DNAJC24: variants seen among roughly 807,000 people sequenced by gnomAD.
DNAJC24 encodes dnaJ homolog subfamily C member 24.
DNAJC24 carries 17 observed loss-of-function variants against 18.0 expected under a neutral mutation model. The observed-to-expected ratio is 0.94, with a 90% CI of 0.65 to 1.42. DNAJC24 has a LOEUF of 1.42. Among genes scored for constraint, DNAJC24 ranks in the 40% most tolerant of loss-of-function variants. The pLI, the probability that DNAJC24 is intolerant of heterozygous loss-of-function variation, is 0.00. For synonymous variants in DNAJC24, 55 were observed against 57.7 expected (o/e 0.95, Z 0.21); for missense variants, 158 against 175.6 (o/e 0.90, Z 0.57).
intron 2 of DNAJC24, among the ~76,000 whole-genome samples, chr11:31,376,358 A>T (rs928368485): frequency 7.2e-5 from 11 of 152,134 alleles, no homozygotes; most frequent in African/African-American, 2.7e-4. Flanking sequence ...TTCTTGGTTG[A>T]TGTATCAGTG....
At chr11:31,401,434 CTGT>C (rs1028102665) in intron 2 of DNAJC24, among the ~76,000 whole-genome samples, 6 of 152,012 alleles carry the variant, frequency 3.9e-5, no homozygotes, top group African/African-American at 1.4e-4. Flanking sequence ...TCCTCCTCTT[CTGT>C]TTTCTTATTC....
chr11:31,407,782 A>C (rs576420462), intron 2 of DNAJC24, among the ~76,000 whole-genome samples: 1 of 149,280 alleles, frequency 6.7e-6, no homozygotes, highest in Non-Finnish European at 1.5e-5. Flanking sequence ...GCATTGTATG[A>C]TGCTATTTTC....
chr11:31,429,527 ATTCT>A (rs1444371053), intron 4 of DNAJC24: 1 of 388,754 alleles, frequency 2.6e-6, no homozygotes, highest in African/African-American at 2.0e-5. Flanking sequence ...TGGATCAGAG[ATTCT>A]TTAAGTCAAA....
chr11:31,415,504 A>G (rs1308643665), intron 3 of DNAJC24: 4 of 152,230 alleles, frequency 2.6e-5, no homozygotes, highest in African/African-American at 9.6e-5. Flanking sequence ...TTTTTAGAAA[A>G]TAGCTTTTTA....
At position 31,432,433 on chromosome 11, in the gene DNAJC24, G is replaced by T; in HGVS notation, c.*2032G>T. On this transcript the variant is annotated 3_prime_UTR_variant, in exon 5 of 5. Transcript: ENST00000465995. ...CAAATAGTTTATTGGTAAGTACACGGTTTCAACGGGAGTAATAAATTCACA... is the reference window on the plus strand; with the variant it reads ...CAAATAGTTTATTGGTAAGTACACGTTTTCAACGGGAGTAATAAATTCACA... 1 of 1,096,164 alleles carries T rather than the reference G, an allele frequency of 9.1e-7. No individual in the cohort carries two copies. Among genetic ancestry groups the T allele is most frequent in the Non-Finnish European group, 1.4e-6 (1 of 712,102 alleles). The allele number at this position is 1,096,164 out of a possible 1,614,324, so 67.9% of individuals were successfully genotyped here. A position where few individuals can be genotyped will look rare whatever the true frequency, so the allele number is the denominator to read the frequency against.
chr11:31,378,551 A>C (rs986280767), intron 2 of DNAJC24, among the ~76,000 whole-genome samples: 2 of 152,184 alleles, frequency 1.3e-5, no homozygotes, highest in African/African-American at 4.8e-5. Flanking sequence ...CAAGGCTCAG[A>C]GATTAAGTAA....
intron 2 of DNAJC24, among the ~76,000 whole-genome samples, chr11:31,387,964 A>G (rs1952446109): frequency 6.6e-6 from 1 of 152,180 alleles, no homozygotes; most frequent in Admixed American, 6.5e-5. Context: ...AATGGAATTC[A>G]TATCCTGAAG....
At chr11:31,406,550 T>C (rs1952660024) in intron 2 of DNAJC24, among the ~76,000 whole-genome samples, 2 of 152,174 alleles carry the variant, frequency 1.3e-5, no homozygotes, top group African/African-American at 4.8e-5. Flanking sequence ...GCTTGAATGG[T>C]AGGTTGTGGT....
chr11:31,388,430 G>A (rs928645088), intron 2 of DNAJC24, among the ~76,000 whole-genome samples: 5 of 152,068 alleles, frequency 3.3e-5, no homozygotes, highest in African/African-American at 1.2e-4. Context: ...CCTTCCCAGT[G>A]GAAACCTTAC....
chr11:31,430,462 G>T lies in DNAJC24; in HGVS notation c.*61G>T. ...TTGAGACATGATGAGAAGCCGTTGA[G>T]CTTTGTCCATTCAAGGAAATGGATT... On this transcript the variant is annotated 3_prime_UTR_variant, in exon 5 of 5. Transcript: ENST00000465995. 1 of 1,448,718 alleles carries T rather than the reference G, an allele frequency of 6.9e-7. No homozygotes were observed. The allele number at this position is 1,448,718 out of a possible 1,614,324, so 89.7% of individuals were successfully genotyped here. A position where few individuals can be genotyped will look rare whatever the true frequency, so the allele number is the denominator to read the frequency against.
intron 2 of DNAJC24, among the ~76,000 whole-genome samples, chr11:31,385,982 T>C (rs1952426507): frequency 6.6e-6 from 1 of 152,160 alleles, no homozygotes; most frequent in African/African-American, 2.4e-5. Flanking sequence ...GCATCCACAG[T>C]GCTGCTGTGT....
chr11:31,407,714 T>C (rs1361865758), intron 2 of DNAJC24, among the ~76,000 whole-genome samples: 1 of 141,888 alleles, frequency 7.0e-6, no homozygotes. Context: ...AAAATATATA[T>C]ATATATATAT....
At chr11:31,425,626 C>A (rs912981250) in intron 3 of DNAJC24, among the ~76,000 whole-genome samples, 1 of 152,052 alleles carries the variant, frequency 6.6e-6, no homozygotes, top group Non-Finnish European at 1.5e-5. Flanking sequence ...TAATCCCTTC[C>A]CTTTAAGGCC....
At chr11:31,380,705 T>C (rs1952367907) in intron 2 of DNAJC24, among the ~76,000 whole-genome samples, 1 of 152,194 alleles carries the variant, frequency 6.6e-6, no homozygotes, top group African/African-American at 2.4e-5. Context: ...GTGTACCTAT[T>C]TTAGTACATT....
At chr11:31,385,206 A>G (rs760513428) in intron 2 of DNAJC24, 5 of 152,172 alleles carry the variant, frequency 3.3e-5, no homozygotes, top group Non-Finnish European at 5.9e-5. Context: ...AACTGGAGCA[A>G]TTTATTATTA....
At chr11:31,423,951 G>A (rs965585736) in intron 3 of DNAJC24, among the ~76,000 whole-genome samples, 3 of 152,124 alleles carry the variant, frequency 2.0e-5, no homozygotes, top group African/African-American at 7.2e-5. Flanking sequence ...TCTGCATAGG[G>A]ATGAAGAAAA....
chr11:31,411,019 A>G (rs1436942790), intron 2 of DNAJC24, among the ~76,000 whole-genome samples: 1 of 152,184 alleles, frequency 6.6e-6, no homozygotes, highest in Non-Finnish European at 1.5e-5. Context: ...TCTCAAGAGT[A>G]GGAAGGTCTT....
intron 2 of DNAJC24, chr11:31,408,116 G>A (rs1402231841): frequency 2.2e-6 from 1 of 456,046 alleles, no homozygotes; most frequent in Non-Finnish European, 4.4e-6. Flanking sequence ...ACAGGTTATT[G>A]GATTTTTTCC....
At chr11:31,384,406 A>C (rs1322561924) in intron 2 of DNAJC24, among the ~76,000 whole-genome samples, 1 of 152,136 alleles carries the variant, frequency 6.6e-6, no homozygotes, top group African/African-American at 2.4e-5. Context: ...TGTCTTAGTT[A>C]TTTTTGTATC....
Sources: allele counts gnomAD v4.1 joint callset (sites outside exome capture counted in the v4.1 genomes callset), GRCh38; gene constraint gnomAD v4.1.1; transcripts MANE v1.5; gene names NCBI Gene and HGNC (gene_info 2026-07-23, HGNC 2026-07-21).